The following KRAS variants were observed in gnomAD, a reference collection of about 807,000 sequenced individuals.
KRAS encodes GTPase KRas.
Under a neutral mutation model 21.0 loss-of-function variants are expected in KRAS, and 1 was observed. The ratio of observed to expected loss-of-function variants is 0.05; its 90% CI spans 0.02 to 0.23. The LOEUF (loss-of-function observed/expected upper bound fraction) is 0.23. KRAS is among the 10% of genes least tolerant of loss of function. The pLI is 1.00. For synonymous variants in KRAS, 67 were observed against 72.5 expected, an observed-to-expected ratio of 0.92 and a Z score of 0.39; for missense variants, 107 against 221.8, an observed-to-expected ratio of 0.48 and a Z score of 3.29.
At chr12:25,232,634 A>G (rs1252709934) in intron 2 of KRAS, among the ~76,000 whole-genome samples, 1 of 152,230 alleles carries the variant, frequency 6.6e-6, no homozygotes, top group East Asian at 1.9e-4. Context: ...ATAAGTTACC[A>G]AGGTTACTAA....
intron 2 of KRAS, among the ~76,000 whole-genome samples, chr12:25,228,675 C>A (rs901659015): frequency 4.6e-5 from 7 of 152,136 alleles, no homozygotes; most frequent in South Asian, 2.1e-4. Context: ...AAAAAAAGTT[C>A]TCAAAACAGA....
chr12:25,250,280 G>A (rs917406670), intron 1 of KRAS, among the ~76,000 whole-genome samples: 1 of 152,122 alleles, frequency 6.6e-6, no homozygotes, highest in African/African-American at 2.4e-5. Context: ...GCCAAATGCA[G>A]CAGGGAAGGC....
Position 25,205,822 on chromosome 12 carries a change from T to C in KRAS, c.*3973A>G, listed in dbSNP as rs1378801789. ...TAAAACACAGATCTTAATCTAGTTA[T>C]GACTATTCTTCAAGAACTCATGTGA... On this transcript the variant is annotated 3_prime_UTR_variant, in exon 5 of 5. Transcript: ENST00000311936. The C allele has an allele frequency of 2.8e-5, 6 of 215,134 alleles. No homozygotes were observed. The highest frequency in any genetic ancestry group is 1.3e-4 in the African/African-American group (6 of 44,494). The allele number at this position is 215,134 out of a possible 1,614,324, so 13.3% of individuals were successfully genotyped here.
In KRAS at chr12:25,227,231, C is replaced by G. The variant is rs2141509217; in HGVS notation, c.290+3G>C. ...CAGCTTATTATATTCAATTTAAACC[C>G]ACCTATAATGGTGAATATCTTCAAA... On this transcript the variant is annotated splice_donor_region_variant and intron_variant, in intron 3 of 4. Coordinates refer to ENST00000311936, the MANE Select transcript of KRAS (RefSeq NM_004985.5). 6.2e-7 allele frequency: 1 copy of G among 1,606,526 alleles called. No homozygotes were observed. Among genetic ancestry groups the G allele is most frequent in the Non-Finnish European group, 8.5e-7 (1 of 1,173,392 alleles).
At chr12:25,239,830 G>C (rs1188926117) in intron 2 of KRAS, among the ~76,000 whole-genome samples, 1 of 152,062 alleles carries the variant, frequency 6.6e-6, no homozygotes. Flanking sequence ...GTGCATGCCT[G>C]TAATACCAGC....
At chr12:25,250,630 GCGC>G (rs1951755588) in intron 1 of KRAS, 118 bp downstream of exon 1, 1 of 135,524 alleles carries the variant, frequency 7.4e-6, no homozygotes, top group East Asian at 2.6e-4. Context: ...CCCCGCGCCC[GCGC>G]CCCCCACCCG....
chr12:25,229,193 A>G (rs1398423806), intron 2 of KRAS, among the ~76,000 whole-genome samples: 1 of 152,264 alleles, frequency 6.6e-6, no homozygotes, highest in Non-Finnish European at 1.5e-5. Context: ...CTGGTAACAA[A>G]AAGTTATTGA....
intron 4 of KRAS, among the ~76,000 whole-genome samples, chr12:25,211,506 C>T (rs1011233213): frequency 1.8e-4 from 27 of 151,728 alleles, no homozygotes; most frequent in East Asian, 1.9e-4. Context: ...CCCGGAGAGG[C>T]GAAGTGCATT....
intron 4 of KRAS, among the ~76,000 whole-genome samples, chr12:25,223,790 T>C (rs1449016211): frequency 1.3e-5 from 2 of 152,184 alleles, no homozygotes; most frequent in Non-Finnish European, 2.9e-5. Context: ...TGTTTAACAA[T>C]GTAAAAGTTG....
Position 25,205,555 on chromosome 12 carries a change from C to A in KRAS, c.*4240G>T. ...AAATACATTCCAGGTAAACATGTTA[C>A]ATTAAGAAATAGTACTAGTAAGAAA... is the stretch of plus-strand genomic sequence containing the variant. On this transcript the variant is annotated 3_prime_UTR_variant, in exon 5 of 5. Transcript: ENST00000311936. The A allele has an allele frequency of 4.6e-6, 1 of 215,230 alleles. No homozygotes were observed. The highest frequency in any genetic ancestry group is 9.4e-6 in the Non-Finnish European group (1 of 106,398). The allele number at this position is 215,230 out of a possible 1,614,324, so 13.3% of individuals were successfully genotyped here. A position where few individuals can be genotyped will look rare whatever the true frequency, so the allele number is the denominator to read the frequency against.
At chr12:25,246,403 C>T (rs1277947297) in intron 1 of KRAS, among the ~76,000 whole-genome samples, 1 of 151,902 alleles carries the variant, frequency 6.6e-6, no homozygotes, top group Non-Finnish European at 1.5e-5. Context: ...ACTAAAAATA[C>T]AAAAATTAAT....
chr12:25,220,033 G>A (rs1047388545), intron 4 of KRAS, among the ~76,000 whole-genome samples: 6 of 152,196 alleles, frequency 3.9e-5, no homozygotes, highest in Non-Finnish European at 5.9e-5. Flanking sequence ...CCAGAGAGCA[G>A]AAAAGCCGAA....
At chr12:25,217,447 C>G (rs1345433555) in intron 4 of KRAS, among the ~76,000 whole-genome samples, 1 of 151,942 alleles carries the variant, frequency 6.6e-6, no homozygotes, top group Non-Finnish European at 1.5e-5. Flanking sequence ...AAATGCGTAT[C>G]TCAAGTCATT....
At chr12:25,219,633 G>A (rs1951297251) in intron 4 of KRAS, among the ~76,000 whole-genome samples, 1 of 152,162 alleles carries the variant, frequency 6.6e-6, no homozygotes, top group Non-Finnish European at 1.5e-5. Context: ...GGGCATGGAG[G>A]AACAAGATGT....
At chr12:25,246,645 G>A (rs998407265) in intron 1 of KRAS, among the ~76,000 whole-genome samples, 33 of 152,144 alleles carry the variant, frequency 2.2e-4, no homozygotes, top group East Asian at 9.7e-4. Flanking sequence ...AGCCGGGCAC[G>A]GTGGCTCACG....
intron 2 of KRAS, among the ~76,000 whole-genome samples, chr12:25,228,110 G>C (rs1219583404): frequency 6.7e-6 from 1 of 149,532 alleles, no homozygotes; most frequent in Non-Finnish European, 1.5e-5. Flanking sequence ...GTAACTTTTA[G>C]AGCCTGACAT....
intron 2 of KRAS, among the ~76,000 whole-genome samples, chr12:25,231,786 T>C (rs552535501): frequency 1.3e-5 from 2 of 152,300 alleles, no homozygotes; most frequent in South Asian, 2.1e-4. Context: ...TCCTCACTCT[T>C]AGAAGTGCAA....
chr12:25,233,595 C>G (rs937217831), intron 2 of KRAS, among the ~76,000 whole-genome samples: 2 of 152,180 alleles, frequency 1.3e-5, no homozygotes, highest in African/African-American at 2.4e-5. Context: ...ATGCAAAGCA[C>G]TCTTCCTTCT....
intron 2 of KRAS, among the ~76,000 whole-genome samples, chr12:25,245,024 A>G (rs1297330851): frequency 6.6e-6 from 1 of 152,198 alleles, no homozygotes; most frequent in East Asian, 1.9e-4. Flanking sequence ...CCCTCTCACG[A>G]AACTCTGAAA....
Sources: gnomAD v4.1 joint callset for allele counts (sites outside exome capture counted in the v4.1 genomes callset) on GRCh38, gnomAD v4.1.1 for gene constraint, MANE v1.5 for transcripts, NCBI Gene and HGNC (gene_info 2026-07-23, HGNC 2026-07-21) for gene names.